The following ZNF33B variants were observed in gnomAD, a reference collection of about 807,000 sequenced individuals.
ZNF33B encodes the protein zinc finger protein 33B.
ZNF33B carries 29 observed loss-of-function variants against 45.8 expected under a neutral mutation model. The observed-to-expected ratio is 0.63, with a 90% CI of 0.47 to 0.86. ZNF33B has a LOEUF of 0.86. Among genes scored for constraint, ZNF33B ranks in the 40% least tolerant of loss-of-function variants. The pLI is 0.00. For missense variants in ZNF33B, 831 were observed against 909.9 expected (o/e 0.91, Z 1.12); for synonymous variants, 305 against 307.8 (o/e 0.99, Z 0.10).
intron 4 of ZNF33B, among the ~76,000 whole-genome samples, chr10:42,608,417 A>T (rs538099248): frequency 5.3e-5 from 8 of 152,328 alleles, no homozygotes; most frequent in Middle Eastern, 3.4e-3. Flanking sequence ...TTAAAAGTAC[A>T]CATGAAACAT....
intron 4 of ZNF33B, among the ~76,000 whole-genome samples, chr10:42,625,640 A>G (rs990840208): frequency 6.6e-6 from 1 of 152,074 alleles, no homozygotes; most frequent in African/African-American, 2.4e-5. Context: ...CACCCAGCTA[A>G]TTTTGTATTT....
At position 42,632,365 on chromosome 10, in the gene ZNF33B, G is replaced by A; in HGVS notation, c.84C>T (p.His28=). ...TVGFTQEEWQ[H]LDPSQRALYR... Reference sequence around the variant, plus strand: ...ACAGAGCCCTCTGACTAGGGTCCAGGTGCTGCCACTCCTCCTGGGTGAAGC... The same window carrying A: ...ACAGAGCCCTCTGACTAGGGTCCAGATGCTGCCACTCCTCCTGGGTGAAGC... The change falls in exon 3 of 5, where the codon CAC becomes CAT. Residue 28 remains histidine (H), a synonymous_variant. Transcript: ENST00000359467. 6.2e-7 allele frequency: 1 copy of A among 1,613,696 alleles called. No individual in the cohort carries two copies. Among genetic ancestry groups the A allele is most frequent in the East Asian group, 2.2e-5 (1 of 44,864 alleles).
Position 42,632,409 on chromosome 10 carries a change from A to G in ZNF33B, c.40T>C (p.Phe14Leu). 3.1e-6 allele frequency: 5 copies of G among 1,613,814 alleles called. No homozygotes were observed. The South Asian group carries it at 4.4e-5, about 14-fold the overall frequency. The change falls in exon 3 of 5, where the codon TTT becomes CTT. Residue 14 changes from phenylalanine to leucine, a missense_variant. Physicochemically the swap from Phe to Leu is conservative, Grantham distance 22 (BLOSUM62 0). Transcript: ENST00000359467. ...GTGAAGCCCACAGTCACATCTTTAA[A>G]TGATACTGACCCCTGGAACTTCTGA... ...VDQKFQGSVS[F>L]KDVTVGFTQE...
At chr10:42,610,725 A>G (rs1352619468) in intron 4 of ZNF33B, among the ~76,000 whole-genome samples, 1 of 152,248 alleles carries the variant, frequency 6.6e-6, no homozygotes, top group Non-Finnish European at 1.5e-5. Flanking sequence ...GATGGCAATA[A>G]CTGCCAAATT....
rs1429971542 is a variant in ZNF33B at position 42,593,432 on chromosome 10, G to A, written c.1518C>T (p.Phe506=). 1.2e-6 allele frequency: 2 copies of A among 1,614,016 alleles called. No homozygotes were observed. The highest frequency in any genetic ancestry group is 4.5e-5 in the East Asian group (2 of 44,862). ...PYECNACGKT[F]YHKSVLTRHQ... ...GCCTGGTGAGTACTGACTTGTGGTAGAAAGTTTTCCCACATGCATTACATT... is the reference window on the plus strand; with the variant it reads ...GCCTGGTGAGTACTGACTTGTGGTAAAAAGTTTTCCCACATGCATTACATT... The change falls in exon 5 of 5, where the codon TTC becomes TTT. Residue 506 remains phenylalanine, a synonymous_variant. Coordinates refer to ENST00000359467, the MANE Select transcript of ZNF33B (RefSeq NM_006955.3).
Position 42,594,485 on chromosome 10 carries a change from C to A in ZNF33B, c.465G>T (p.Leu155Phe). The A allele has an allele frequency of 6.2e-7, 1 of 1,612,968 alleles. No individual in the cohort carries two copies. The highest frequency in any genetic ancestry group is 8.5e-7 in the Non-Finnish European group (1 of 1,179,614). Residue 155 changes from leucine to phenylalanine, a missense_variant, in exon 5 of 5, where the codon TTG (leucine) becomes TTT (phenylalanine). Transcript: ENST00000359467. ...CTAAATAGTTTATCTTACTGATAAC[C>A]AATTCTGAAACAGTGTTGAAACTCA... ...RGMSFNTVSELVISKINYLGK... is the reference protein window; with the variant it reads ...RGMSFNTVSEFVISKINYLGK...
chr10:42,622,189 G>A (rs866384418), intron 4 of ZNF33B, among the ~76,000 whole-genome samples: 87 of 152,198 alleles, frequency 5.7e-4, no homozygotes, highest in African/African-American at 1.9e-3. Flanking sequence ...TATTAAAGAA[G>A]GCATAAATAA....
chr10:42,586,341 G>A (rs1050437045), downstream of ZNF33B, among the ~76,000 whole-genome samples: 3 of 151,984 alleles, frequency 2.0e-5, no homozygotes, highest in African/African-American at 7.3e-5. Context: ...AGTAGAGACG[G>A]GGTTTCACCG....
intron 4 of ZNF33B, among the ~76,000 whole-genome samples, chr10:42,624,511 T>C (rs921323680): frequency 2.6e-5 from 4 of 152,208 alleles, no homozygotes; most frequent in African/African-American, 9.6e-5. Context: ...TTGAGCCCTA[T>C]AAATACTGTT....
chr10:42,600,330 C>A (rs1837567543), intron 4 of ZNF33B, among the ~76,000 whole-genome samples: 1 of 152,082 alleles, frequency 6.6e-6, no homozygotes, highest in Non-Finnish European at 1.5e-5. Context: ...ATTTCTCCTT[C>A]CAGATCTATC....
At chr10:42,598,425 C>A (rs190026544) in intron 4 of ZNF33B, among the ~76,000 whole-genome samples, 142 of 152,314 alleles carry the variant, frequency 9.3e-4, no homozygotes, top group African/African-American at 3.3e-3. Flanking sequence ...CCTTGGCCAC[C>A]CACACACAAT....
chr10:42,597,589 T>A (rs1837454066), intron 4 of ZNF33B, among the ~76,000 whole-genome samples: 1 of 152,148 alleles, frequency 6.6e-6, no homozygotes, highest in African/African-American at 2.4e-5. Context: ...TCTTGGCAAA[T>A]GCAAGATAAG....
intron 4 of ZNF33B, among the ~76,000 whole-genome samples, chr10:42,615,911 G>C (rs1838293340): frequency 6.7e-6 from 1 of 148,920 alleles, no homozygotes; most frequent in Non-Finnish European, 1.5e-5. Context: ...AGAGACAAGA[G>C]TAAGATTCTG....
At chr10:42,577,252 C>T (rs1468259540) in intron 1 of ZNF33B, among the ~76,000 whole-genome samples, 1 of 152,044 alleles carries the variant, frequency 6.6e-6, no homozygotes. Context: ...AGTAAACACA[C>T]CCCAAACCTC....
At chr10:42,578,657 C>T (rs1193506881) in intron 1 of ZNF33B, 1 of 152,624 alleles carries the variant, frequency 6.6e-6, no homozygotes, top group East Asian at 1.9e-4. Context: ...GATCCCTGAT[C>T]ACTACTCAGG....
intron 2 of ZNF33B, among the ~76,000 whole-genome samples, chr10:42,634,161 T>C (rs1161425172): frequency 6.6e-6 from 1 of 152,008 alleles, no homozygotes. Context: ...TCCTAGTACT[T>C]TGGGAGGTAA....
chr10:42,609,228 C>A (rs1420321296), intron 4 of ZNF33B, among the ~76,000 whole-genome samples: 1 of 152,082 alleles, frequency 6.6e-6, no homozygotes. Context: ...CCAGCCCAGG[C>A]AACATGGTGA....
chr10:42,599,185 T>C (rs373139495), intron 4 of ZNF33B, among the ~76,000 whole-genome samples: 1 of 152,180 alleles, frequency 6.6e-6, no homozygotes, highest in Admixed American at 6.5e-5. Flanking sequence ...CATTCTTATT[T>C]TTGATATTGA....
chr10:42,617,263 C>G (rs1203185511), intron 4 of ZNF33B, among the ~76,000 whole-genome samples: 2 of 151,720 alleles, frequency 1.3e-5, no homozygotes, highest in Non-Finnish European at 2.9e-5. Context: ...ACCACCACAC[C>G]TGGCTAATGT....
Sources: allele counts gnomAD v4.1 joint callset (sites outside exome capture counted in the v4.1 genomes callset), GRCh38; gene constraint gnomAD v4.1.1; transcripts MANE v1.5; gene names NCBI Gene and HGNC (gene_info 2026-07-23, HGNC 2026-07-21).